The following ADCY2 variants were observed in gnomAD, a reference collection of about 807,000 sequenced individuals.
ADCY2 encodes adenylate cyclase type 2.
Under a neutral mutation model 125.2 loss-of-function variants are expected in ADCY2, and 31 were observed. The observed-to-expected ratio is 0.25, with a 90% confidence interval of 0.19 to 0.33. The LOEUF is 0.33. ADCY2 is among the 10% of genes least tolerant of loss of function. The pLI, the probability that ADCY2 is intolerant of heterozygous loss-of-function variation, is 1.00. For synonymous variants in ADCY2, 512 were observed against 548.4 expected (o/e 0.93, Z 0.93); for missense variants, 904 against 1,418.2 (o/e 0.64, Z 5.82).
intron 2 of ADCY2, among the ~76,000 whole-genome samples, chr5:7,442,659 T>A (rs189736575): frequency 7.2e-5 from 11 of 152,342 alleles, no homozygotes; most frequent in African/African-American, 2.6e-4. Context: ...TTTGGACTCA[T>A]TATTTCATTT....
intron 2 of ADCY2, among the ~76,000 whole-genome samples, chr5:7,428,063 A>G (rs1370350529): frequency 6.6e-6 from 1 of 152,186 alleles, no homozygotes; most frequent in African/African-American, 2.4e-5. Context: ...GCCACACCCC[A>G]GGGAGCTGGG....
At chr5:7,583,925 A>T (rs1375403931) in intron 3 of ADCY2, among the ~76,000 whole-genome samples, 1 of 152,168 alleles carries the variant, frequency 6.6e-6, no homozygotes, top group Non-Finnish European at 1.5e-5. Flanking sequence ...GTTACATGCA[A>T]CATAGATAAG....
intron 14 of ADCY2, among the ~76,000 whole-genome samples, chr5:7,733,485 A>G (rs907375555): frequency 6.6e-5 from 10 of 152,328 alleles, no homozygotes; most frequent in Non-Finnish European, 1.5e-4. Flanking sequence ...ATCCTGGGGC[A>G]GGCACAGGTT....
chr5:7,821,837 G>A (rs997607164), intron 24 of ADCY2, among the ~76,000 whole-genome samples: 1 of 152,204 alleles, frequency 6.6e-6, no homozygotes, highest in African/African-American at 2.4e-5. Context: ...GGGGAAGGGA[G>A]TTCAAGGCTG....
chr5:7,495,260 G>C (rs1283371786), intron 2 of ADCY2, among the ~76,000 whole-genome samples: 1 of 152,088 alleles, frequency 6.6e-6, no homozygotes, highest in Non-Finnish European at 1.5e-5. Context: ...GAGTTAAATT[G>C]GCTTCGTGGG....
intron 11 of ADCY2, among the ~76,000 whole-genome samples, chr5:7,713,588 A>AG (rs890504211): frequency 1.3e-5 from 2 of 152,158 alleles, no homozygotes; most frequent in African/African-American, 4.8e-5. Context: ...AGTGAAATAA[A>AG]GGGTTATCCA....
rs76031226 is a variant in ADCY2, at chr5:7,754,178, G to A, written c.1957-3271G>A. Among the ~76,000 whole-genome samples, 1,333 of 152,182 alleles carry A rather than the reference G, an allele frequency of 8.8e-3. 16 individuals carry two copies. The highest frequency in any genetic ancestry group is 0.031 in the African/African-American group (1,272 of 41,526). On this transcript the variant is annotated intron_variant, in intron 15 of 24. Coordinates refer to ENST00000338316, the MANE Select transcript of ADCY2 (RefSeq NM_020546.3). ...GAAAAAAATTCCTGCATATCTGCCC[G>A]GGTCTGTTTTAGTAAGTTACTAGCC...
intron 3 of ADCY2, among the ~76,000 whole-genome samples, chr5:7,525,227 G>T (rs896336295): frequency 6.6e-6 from 1 of 152,106 alleles, no homozygotes; most frequent in African/African-American, 2.4e-5. Flanking sequence ...GGCTGGTCTC[G>T]AACTCCTGAG....
intron 14 of ADCY2, among the ~76,000 whole-genome samples, chr5:7,738,792 G>C (rs920400554): frequency 2.0e-5 from 3 of 151,926 alleles, no homozygotes; most frequent in African/African-American, 7.2e-5. Context: ...AATATAGATA[G>C]TGAGTAATGA....
intron 11 of ADCY2, among the ~76,000 whole-genome samples, chr5:7,716,772 A>G (rs1413494204): frequency 1.3e-5 from 2 of 152,220 alleles, no homozygotes; most frequent in Admixed American, 1.3e-4. Context: ...ATGGAGGTAG[A>G]GAGTAGAATG....
chr5:7,626,062 C>T, intron 3 of ADCY2, 105 bp from the exon 4 acceptor site: 1 of 1,250,684 alleles, frequency 8.0e-7, no homozygotes, highest in Non-Finnish European at 1.1e-6. Context: ...AATTAACTTC[C>T]TGCAGTTATC....
Position 7,396,404 on chromosome 5 carries a change from C to G in ADCY2, c.108C>G (p.Ser36=), listed in dbSNP as rs1318713617. The G allele has an allele frequency of 6.3e-7, 1 of 1,576,132 alleles. No homozygotes were observed. The highest frequency in any genetic ancestry group is 1.8e-5 in the Admixed American group (1 of 56,110). The part of the protein sequence containing the change: ...LPRSRDWLYE[S]YYCMSQQHPL... ...GGTCCCGGGACTGGCTCTACGAGTC[C>G]TACTACTGCATGAGCCAGCAGCACC... Residue 36 remains serine, a synonymous_variant, in exon 1 of 25, where the codon TCC becomes TCG. Transcript: ENST00000338316. This position sits in a 1 kb window ranked among gnomAD's most constrained non-coding sequence, Gnocchi z 5.7.
At chr5:7,668,308 T>C (rs1455807217) in intron 4 of ADCY2, among the ~76,000 whole-genome samples, 2 of 152,162 alleles carry the variant, frequency 1.3e-5, no homozygotes, top group Non-Finnish European at 2.9e-5. Context: ...AAGACTGAAA[T>C]CTCCAAAGGA....
intron 2 of ADCY2, among the ~76,000 whole-genome samples, chr5:7,513,106 C>CACACACACACACACACACACACACACAG (rs777343291): frequency 6.5e-5 from 9 of 138,540 alleles, no homozygotes; most frequent in African/African-American, 1.0e-4. Flanking sequence ...CACACACACA[C>CACACACACACACACACACACACACACAG]AGAGAGAGAG....
intron 10 of ADCY2, among the ~76,000 whole-genome samples, chr5:7,710,134 C>T (rs988783932): frequency 6.6e-6 from 1 of 152,150 alleles, no homozygotes; most frequent in Non-Finnish European, 1.5e-5. Flanking sequence ...TGCCAGTTGT[C>T]AGGTGAAAGT....
chr5:7,619,665 C>T (rs368367665), intron 3 of ADCY2, among the ~76,000 whole-genome samples: 64 of 152,264 alleles, frequency 4.2e-4, no homozygotes, highest in African/African-American at 1.4e-3. Context: ...AACCCTGAAG[C>T]TAAGATTGTT....
chr5:7,670,707 A>G (rs1739904761), intron 4 of ADCY2, among the ~76,000 whole-genome samples: 2 of 152,226 alleles, frequency 1.3e-5, no homozygotes, highest in South Asian at 2.1e-4. Context: ...ATCAGTCATT[A>G]GATTCTCATA....
At chr5:7,801,169 C>G (rs1458963896) in intron 20 of ADCY2, 2 of 152,180 alleles carry the variant, frequency 1.3e-5, no homozygotes, top group Non-Finnish European at 2.9e-5. Flanking sequence ...TGAGGTGCCA[C>G]CAAACCTTGG....
chr5:7,576,007 A>G (rs1417855724), intron 3 of ADCY2, among the ~76,000 whole-genome samples: 2 of 152,180 alleles, frequency 1.3e-5, no homozygotes, highest in Non-Finnish European at 2.9e-5. Flanking sequence ...TAAAGCAACA[A>G]GGAAGGATTA....
Sources: allele counts gnomAD v4.1 joint callset (sites outside exome capture counted in the v4.1 genomes callset), GRCh38; gene constraint gnomAD v4.1.1; non-coding constraint Gnocchi (gnomAD v3.1); transcripts MANE v1.5; gene names NCBI Gene and HGNC (gene_info 2026-07-23, HGNC 2026-07-21).